TTC17: variants seen among roughly 807,000 people sequenced by gnomAD.
The protein encoded by TTC17 is tetratricopeptide repeat domain 17, also known as tetratricopeptide repeat protein 17.
Under a neutral mutation model 143.8 loss-of-function variants are expected in TTC17, and 58 were observed. The observed-to-expected ratio is 0.40, with a 90% confidence interval of 0.33 to 0.50. TTC17 has a LOEUF of 0.50. Ranked by LOEUF, TTC17 falls within the 20% of genes least tolerant of loss-of-function variation. The pLI, the probability that TTC17 is intolerant of heterozygous loss-of-function variation, is 0.49. For synonymous variants in TTC17, 501 were observed against 497.8 expected (o/e 1.01, Z -0.09); for missense variants, 1,273 against 1,392.5 (o/e 0.91, Z 1.37).
intron 16 of TTC17, among the ~76,000 whole-genome samples, chr11:43,425,663 A>G (rs1189532476): frequency 1.3e-5 from 2 of 152,154 alleles, no homozygotes; most frequent in Admixed American, 6.5e-5. Flanking sequence ...GTACATGTGT[A>G]TGCTGTTTGG....
At chr11:43,426,922 G>A (rs1163151343) in intron 16 of TTC17, among the ~76,000 whole-genome samples, 2 of 152,198 alleles carry the variant, frequency 1.3e-5, no homozygotes, top group Non-Finnish European at 2.9e-5. Flanking sequence ...CTCTCAAGGA[G>A]CTAGGAGAGT....
chr11:43,398,931 C>T (rs1231760337), intron 8 of TTC17, among the ~76,000 whole-genome samples: 2 of 152,224 alleles, frequency 1.3e-5, no homozygotes, highest in African/African-American at 2.4e-5. Context: ...CCTGGCTGAG[C>T]TTTTTCCAGT....
chr11:43,489,823 G>A (rs1487282199), intron 21 of TTC17: 1 of 152,218 alleles, frequency 6.6e-6, no homozygotes, highest in African/African-American at 2.4e-5. Flanking sequence ...TAAAAATAAT[G>A]TTTACTTGTC....
intron 21 of TTC17, among the ~76,000 whole-genome samples, chr11:43,452,938 T>C (rs1564969325): frequency 6.6e-6 from 1 of 151,740 alleles, no homozygotes; most frequent in South Asian, 2.1e-4. Context: ...GAAAAAAAAA[T>C]TCGCCTGCAT....
intron 21 of TTC17, among the ~76,000 whole-genome samples, chr11:43,474,172 A>G (rs1424017726): frequency 2.0e-5 from 3 of 152,226 alleles, no homozygotes; most frequent in Non-Finnish European, 1.5e-5. Context: ...ACATCCACAC[A>G]GTGGAGGCTT....
At chr11:43,448,461 A>C (rs1343097895) in intron 19 of TTC17, 1 of 180,608 alleles carries the variant, frequency 5.5e-6, no homozygotes, top group Non-Finnish European at 1.2e-5. Flanking sequence ...GAGCCAGAGC[A>C]AATCCAGATT....
chr11:43,407,037 G>C (rs1042121536), intron 13 of TTC17, 101 bp from the exon 14 acceptor site: 2 of 755,178 alleles, frequency 2.6e-6, no homozygotes, highest in South Asian at 1.9e-5. Context: ...CAAATTAGCT[G>C]TTCCTGAGGA....
At chr11:43,452,464 G>A (rs915424172) in intron 21 of TTC17, among the ~76,000 whole-genome samples, 1 of 152,130 alleles carries the variant, frequency 6.6e-6, no homozygotes, top group Non-Finnish European at 1.5e-5. Flanking sequence ...TCGCGCCACT[G>A]CACTCCAGCC....
In TTC17 at chr11:43,371,180, A is replaced by C. The variant is rs373723490; in HGVS notation, c.160-8053A>C. Among the ~76,000 whole-genome samples, 9 of 152,282 alleles carry C rather than the reference A, an allele frequency of 5.9e-5. No individual in the cohort carries two copies. The South Asian group carries it at 1.5e-3, about 25-fold the overall frequency. On this transcript the variant is annotated intron_variant, in intron 1 of 23. Transcript: ENST00000039989. The stretch of plus-strand genomic sequence containing the variant: ...GTTTCTCCCACTGTTCTCTTACAAC[A>C]TGTTTCTGACACCACCAAGCAAGCA...
intron 3 of TTC17, among the ~76,000 whole-genome samples, chr11:43,391,013 TTC>T (rs1418038081): frequency 2.0e-5 from 3 of 152,248 alleles, no homozygotes; most frequent in Non-Finnish European, 4.4e-5. Context: ...TGTTTGACTC[TTC>T]ATGGCAGCTA....
rs1019868068 is a variant in TTC17, at chr11:43,455,264, A to G, written c.3030+3999A>G. Among the ~76,000 whole-genome samples the G allele has an allele frequency of 5.9e-5, 9 of 152,082 alleles. No homozygotes were observed. In the East Asian group the frequency reaches 9.6e-4, roughly 16 times the overall value. ...AAACAGTTTTCAGAGAAATTTGCAT[A>G]GCATTAAGTACTGTGTCAGTAAAAA... is the stretch of plus-strand genomic sequence containing the variant. On this transcript the variant is annotated intron_variant, in intron 21 of 23. Transcript: ENST00000039989.
At chr11:43,362,522 A>G (rs2134426931) in intron 1 of TTC17, among the ~76,000 whole-genome samples, 1 of 152,326 alleles carries the variant, frequency 6.6e-6, no homozygotes, top group South Asian at 2.1e-4. Context: ...AGGAGCATAC[A>G]TTCCTGCAGG....
chr11:43,386,110 T>C (rs551165741), intron 2 of TTC17, among the ~76,000 whole-genome samples: 128 of 152,050 alleles, frequency 8.4e-4, no homozygotes, highest in African/African-American at 3.0e-3. Context: ...GGATAGACTT[T>C]TTATAAATGA....
intron 21 of TTC17, among the ~76,000 whole-genome samples, chr11:43,484,098 T>C (rs1433651218): frequency 6.6e-6 from 1 of 152,096 alleles, no homozygotes; most frequent in Non-Finnish European, 1.5e-5. Flanking sequence ...GCCGAGATTG[T>C]GTCACTGTAC....
intron 5 of TTC17, among the ~76,000 whole-genome samples, chr11:43,392,659 G>A (rs1857434349): frequency 6.6e-6 from 1 of 152,110 alleles, no homozygotes; most frequent in Non-Finnish European, 1.5e-5. Context: ...GCTTTATATG[G>A]TTATTTCTGT....
chr11:43,367,486 G>A (rs1013493698), intron 1 of TTC17, among the ~76,000 whole-genome samples: 1 of 152,190 alleles, frequency 6.6e-6, no homozygotes, highest in East Asian at 1.9e-4. Flanking sequence ...GTTGAGGAGG[G>A]ATTAGAACCA....
chr11:43,365,730 A>G (rs895790318), intron 1 of TTC17, among the ~76,000 whole-genome samples: 1 of 152,252 alleles, frequency 6.6e-6, no homozygotes, highest in African/African-American at 2.4e-5. Context: ...CAAGACACCC[A>G]GAGTATCTGA....
At chr11:43,473,966 T>C (rs1416259294) in intron 21 of TTC17, among the ~76,000 whole-genome samples, 1 of 152,088 alleles carries the variant, frequency 6.6e-6, no homozygotes, top group African/African-American at 2.4e-5. Flanking sequence ...TATACATTCA[T>C]TTACCCTTTT....
At chr11:43,437,108 T>C (rs1399874654) in intron 16 of TTC17, among the ~76,000 whole-genome samples, 1 of 145,072 alleles carries the variant, frequency 6.9e-6, no homozygotes, top group East Asian at 2.0e-4. Context: ...TTATTTCTAC[T>C]TTTTTTTTTT....
Sources: allele counts gnomAD v4.1 joint callset (sites outside exome capture counted in the v4.1 genomes callset), GRCh38; gene constraint gnomAD v4.1.1; transcripts MANE v1.5; gene names NCBI Gene and HGNC (gene_info 2026-07-23, HGNC 2026-07-21).